RSF1: variants seen among roughly 807,000 people sequenced by gnomAD.
The protein encoded by RSF1 is HBV pX-associated protein 8.
In RSF1, 13 loss-of-function variants were observed where a neutral mutation model predicts 145.2. The observed-to-expected ratio is 0.09, with a 90% CI of 0.06 to 0.14. The LOEUF is 0.14. RSF1 is among the 10% of genes least tolerant of loss of function. The pLI is 1.00. For missense variants in RSF1, 1,517 were observed against 1,718.2 expected (o/e 0.88, Z 2.07); for synonymous variants, 577 against 592.6 (o/e 0.97, Z 0.38).
At chr11:77,831,635 G>A in the RSF1 span, among the ~76,000 whole-genome samples, 1 of 151,168 alleles carries the variant, frequency 6.6e-6, no homozygotes, top group Non-Finnish European at 1.5e-5. Flanking sequence ...CTTACTATGG[G>A]ATGTAATTTC....
chr11:77,811,313 C>T (rs932545114), intron 1 of RSF1, among the ~76,000 whole-genome samples: 2 of 152,142 alleles, frequency 1.3e-5, no homozygotes. Flanking sequence ...CTATTAATTC[C>T]ACAAACATTT....
At chr11:77,672,894 G>A (rs1959594971) in intron 14 of RSF1, among the ~76,000 whole-genome samples, 1 of 152,178 alleles carries the variant, frequency 6.6e-6, no homozygotes, top group Admixed American at 6.5e-5. Flanking sequence ...TGTTGGCCAG[G>A]CTGGTCTTGA....
Position 77,820,612 on chromosome 11 carries a change from G to T in RSF1, c.103C>A (p.Pro35Thr). 1 of 1,566,814 alleles carries T rather than the reference G, an allele frequency of 6.4e-7. No individual in the cohort carries two copies. The highest frequency in any genetic ancestry group is 8.6e-7 in the Non-Finnish European group (1 of 1,157,516). The change falls in exon 1 of 16, where the codon CCG becomes ACG. Residue 35 changes from proline to threonine, a missense_variant. Pro to Thr is a conservative substitution (Grantham distance 38, BLOSUM62 -1). This residue lies in a region of RSF1 where 85 missense variants were observed against 91.8 expected (regional missense o/e 0.93). Transcript: ENST00000308488. ...VVCSFLERYG[P>T]LLDLPELPFP... ...GGCAACTCAGGCAGGTCTAGCAGCG[G>T]CCCGTAGCGCTCCAAGAAGGAGCAG...
chr11:77,736,023 C>T (rs67724005), intron 4 of RSF1, among the ~76,000 whole-genome samples: 26,883 of 152,168 alleles, frequency 0.18, 2,985 homozygotes, highest in African/African-American at 0.29. Context: ...AGGTGTGAGC[C>T]GCCGCACCCG....
At chr11:77,795,649 T>A (rs529181) in intron 1 of RSF1, among the ~76,000 whole-genome samples, 99,825 of 152,066 alleles carry the variant, frequency 0.66, 32,952 homozygotes, top group South Asian at 0.81. Flanking sequence ...GGTGCTGAAA[T>A]AACTGGAAAA....
At chr11:77,790,253 T>C (rs1948503473) in intron 1 of RSF1, among the ~76,000 whole-genome samples, 2 of 152,190 alleles carry the variant, frequency 1.3e-5, no homozygotes, top group Non-Finnish European at 2.9e-5. Context: ...CTTACATGGA[T>C]GGTGGCAGGC....
Position 77,726,281 on chromosome 11 carries a change from A to C in RSF1, c.579-582T>G, listed in dbSNP as rs561195331. 2.0e-4 allele frequency among the ~76,000 whole-genome samples: 31 copies of C among 152,328 alleles called. No individual in the cohort carries two copies. The South Asian group carries it at 6.0e-3, about 30-fold the overall frequency. Reference sequence around the variant, plus strand: ...TGATTCCACAATACCAGAAAATTCCAAATAAATAAAAGTCTAACCTATAAA... The same window carrying C: ...TGATTCCACAATACCAGAAAATTCCCAATAAATAAAAGTCTAACCTATAAA... On this transcript the variant is annotated intron_variant, in intron 4 of 15. Coordinates refer to ENST00000308488, the MANE Select transcript of RSF1 (RefSeq NM_016578.4).
At chr11:77,707,620 T>C (rs1960580944) in intron 5 of RSF1, among the ~76,000 whole-genome samples, 1 of 152,222 alleles carries the variant, frequency 6.6e-6, no homozygotes, top group Non-Finnish European at 1.5e-5. Flanking sequence ...CAGTGAGATT[T>C]TTAATTTAAC....
rs1012220896 is a variant in RSF1 at position 77,685,214 on chromosome 11, T to C, written c.2901-55A>G. 4.7e-5 allele frequency: 49 copies of C among 1,046,612 alleles called. No homozygotes were observed. The African/African-American group carries it at 4.7e-4, about 10-fold the overall frequency. The allele number at this position is 1,046,612 out of a possible 1,614,324, so 64.8% of individuals were successfully genotyped here. A position where few individuals can be genotyped will look rare whatever the true frequency, so the allele number is the denominator to read the frequency against. On this transcript the variant is annotated intron_variant, in intron 9 of 15. Coordinates refer to ENST00000308488, the MANE Select transcript of RSF1 (RefSeq NM_016578.4). ...AGATTTGCAGAAAATAAAACTGTTA[T>C]GTAAACATCACGAATACACATAATG...
At chr11:77,828,573 C>T in the RSF1 span, among the ~76,000 whole-genome samples, 10 of 148,372 alleles carry the variant, frequency 6.7e-5, no homozygotes, top group Non-Finnish European at 1.3e-4. Flanking sequence ...CGGGAGGCTG[C>T]GGCGGAAGAA....
intron 4 of RSF1, among the ~76,000 whole-genome samples, chr11:77,737,256 T>C (rs1377058907): frequency 6.6e-6 from 1 of 151,934 alleles, no homozygotes; most frequent in Non-Finnish European, 1.5e-5. Context: ...GATACCAGCA[T>C]GGTCAACATG....
chr11:77,783,431 TA>T (rs927267146), intron 1 of RSF1, among the ~76,000 whole-genome samples: 11 of 152,370 alleles, frequency 7.2e-5, no homozygotes, highest in African/African-American at 2.6e-4. Flanking sequence ...GGCTAGCTCA[TA>T]ACATATTCTC....
the RSF1 span, chr11:77,870,222 T>C: frequency 6.6e-6 from 1 of 151,542 alleles, no homozygotes; most frequent in Admixed American, 6.6e-5. Context: ...GTCTCACTAT[T>C]GTTGCCCAGG....
chr11:77,755,266 G>A (rs920938259), intron 2 of RSF1, among the ~76,000 whole-genome samples: 1 of 152,192 alleles, frequency 6.6e-6, no homozygotes, highest in African/African-American at 2.4e-5. Flanking sequence ...GAGGGTAGTG[G>A]GGATCAGAGA....
intron 1 of RSF1, among the ~76,000 whole-genome samples, chr11:77,816,690 G>T (rs952183551): frequency 5.9e-5 from 9 of 152,144 alleles, no homozygotes; most frequent in Non-Finnish European, 1.0e-4. Flanking sequence ...TTCTCTGCAG[G>T]AGAGGAAAGA....
intron 1 of RSF1, chr11:77,813,356 G>A (rs1223419541): frequency 3.9e-5 from 37 of 948,468 alleles, no homozygotes; most frequent in South Asian, 7.7e-5. Flanking sequence ...CTCAACTCCC[G>A]GCTCAAACTG....
At chr11:77,762,212 A>G (rs1948183094) in intron 2 of RSF1, 1 of 151,690 alleles carries the variant, frequency 6.6e-6, no homozygotes, top group African/African-American at 2.4e-5. Context: ...GTCAAAGTAA[A>G]AAGTCATCCG....
the RSF1 span, chr11:77,869,890 C>A: frequency 6.9e-7 from 1 of 1,442,202 alleles, no homozygotes; most frequent in Non-Finnish European, 9.7e-7. Context: ...CAGACTTGTC[C>A]TTCTTGGGAG....
intron 13 of RSF1, among the ~76,000 whole-genome samples, chr11:77,675,482 T>C (rs933336950): frequency 2.0e-5 from 3 of 152,228 alleles, no homozygotes; most frequent in Admixed American, 6.5e-5. Flanking sequence ...CTGTACTGCT[T>C]TGACCTCTTG....
Sources: gnomAD v4.1 joint callset for allele counts (sites outside exome capture counted in the v4.1 genomes callset) on GRCh38, gnomAD v4.1.1 for gene constraint, gnomAD v4.1.1 regional missense constraint, MANE v1.5 for transcripts, NCBI Gene and HGNC (gene_info 2026-07-23, HGNC 2026-07-21) for gene names.